PRKD1: variants seen among roughly 807,000 people sequenced by gnomAD.
PRKD1 encodes the protein protein kinase D1.
In PRKD1, 63 loss-of-function variants were observed where a neutral mutation model predicts 95.9. The ratio of observed to expected loss-of-function variants is 0.66; its 90% CI spans 0.54 to 0.81. The LOEUF is 0.81. Ranked by LOEUF, PRKD1 falls within the 30% of genes least tolerant of loss-of-function variation. The pLI, the probability that PRKD1 is intolerant of heterozygous loss-of-function variation, is 0.00. For synonymous variants in PRKD1, 425 were observed against 423.1 expected (o/e 1.00, Z -0.05); for missense variants, 1,048 against 1,165.3 (o/e 0.90, Z 1.47).
intron 2 of PRKD1, among the ~76,000 whole-genome samples, chr14:29,711,425 G>A (rs1015325757): frequency 6.6e-5 from 10 of 152,180 alleles, no homozygotes; most frequent in African/African-American, 2.2e-4. Context: ...AATATACAAT[G>A]CAAATACAGA....
chr14:29,655,834 G>T (rs1881800624), intron 4 of PRKD1, among the ~76,000 whole-genome samples: 1 of 151,608 alleles, frequency 6.6e-6, no homozygotes, highest in Non-Finnish European at 1.5e-5. Context: ...TAACACAAAA[G>T]GATGGAAAGA....
At chr14:29,808,459 G>C (rs1890340464) in intron 1 of PRKD1, among the ~76,000 whole-genome samples, 1 of 119,516 alleles carries the variant, frequency 8.4e-6, no homozygotes, top group South Asian at 2.9e-4. Context: ...GAGTACAATA[G>C]TGTTGTCTCA....
chr14:29,599,604 T>C (rs1893439187), intron 14 of PRKD1, 52 bp downstream of exon 14: 18 of 1,523,454 alleles, frequency 1.2e-5, no homozygotes, highest in Non-Finnish European at 1.4e-5. Flanking sequence ...TAAACAGTGA[T>C]AACATTTGAT....
At chr14:29,862,242 C>T (rs1265301336) in intron 1 of PRKD1, among the ~76,000 whole-genome samples, 1 of 152,116 alleles carries the variant, frequency 6.6e-6, no homozygotes, top group Non-Finnish European at 1.5e-5. Flanking sequence ...TAGCAAATAC[C>T]ACATTTTCTT....
chr14:29,831,911 G>A (rs1891427945), intron 1 of PRKD1, among the ~76,000 whole-genome samples: 1 of 151,908 alleles, frequency 6.6e-6, no homozygotes. Context: ...TTATGGTTGG[G>A]GGACCTGTCC....
intron 4 of PRKD1, among the ~76,000 whole-genome samples, chr14:29,645,815 C>T (rs1477809578): frequency 2.0e-5 from 3 of 152,040 alleles, no homozygotes; most frequent in African/African-American, 7.2e-5. Context: ...TCCCATGCCC[C>T]CTTCTCTGAG....
At chr14:29,745,652 T>G (rs1397100235) in intron 1 of PRKD1, among the ~76,000 whole-genome samples, 3 of 151,980 alleles carry the variant, frequency 2.0e-5, no homozygotes, top group Non-Finnish European at 2.9e-5. Context: ...TTATTATTAT[T>G]ATTGTAGAGA....
At position 29,826,682 on chromosome 14, in the gene PRKD1, TATAC is replaced by T. The variant is rs1197985284; in HGVS notation, c.264+100563_264+100566del. ...GTGTGTGTATATATGTGTATATATATATACACACATATATATACATATATACACA... is the reference window on the plus strand; with the variant it reads ...GTGTGTGTATATATGTGTATATATATACACATATATATACATATATACACA... On this transcript the variant is annotated intron_variant, in intron 1 of 17. Coordinates refer to ENST00000331968, the MANE Select transcript of PRKD1 (RefSeq NM_002742.3). Among the ~76,000 whole-genome samples the T allele has an allele frequency of 3.1e-3, 150 of 48,664 alleles. 6 individuals are homozygous for T. Among genetic ancestry groups the T allele is most frequent in the African/African-American group, 9.2e-3 (146 of 15,912 alleles). The allele number at this position is 48,664 out of a possible 152,430, so 31.9% of individuals were successfully genotyped here.
At chr14:29,854,547 A>G (rs1892426067) in intron 1 of PRKD1, among the ~76,000 whole-genome samples, 1 of 152,244 alleles carries the variant, frequency 6.6e-6, no homozygotes, top group Admixed American at 6.5e-5. Context: ...AGGGAAGCAG[A>G]GCATAAAAAT....
At chr14:29,847,872 C>T (rs900740904) in intron 1 of PRKD1, among the ~76,000 whole-genome samples, 4 of 152,050 alleles carry the variant, frequency 2.6e-5, no homozygotes, top group Non-Finnish European at 4.4e-5. Context: ...TTCTCTCTCT[C>T]TCTCTCCCCC....
intron 1 of PRKD1, among the ~76,000 whole-genome samples, chr14:29,873,484 T>C (rs974171874): frequency 5.9e-3 from 7 of 1,196 alleles, no homozygotes; most frequent in African/African-American, 0.032. Flanking sequence ...AGGTTACTGA[T>C]ACAAAAAAAA....
chr14:29,925,935 C>A (rs1469351795), intron 1 of PRKD1, among the ~76,000 whole-genome samples: 1 of 152,156 alleles, frequency 6.6e-6, no homozygotes, highest in Non-Finnish European at 1.5e-5. Context: ...TTCCACAATA[C>A]TGATGTGGAA....
intron 1 of PRKD1, among the ~76,000 whole-genome samples, chr14:29,768,582 CAT>C (rs1186779487): frequency 6.6e-6 from 1 of 152,110 alleles, no homozygotes; most frequent in Non-Finnish European, 1.5e-5. Flanking sequence ...AGGATCCCCA[CAT>C]GTGTATCTGG....
At chr14:29,703,565 A>G (rs190084901) in intron 2 of PRKD1, among the ~76,000 whole-genome samples, 1 of 152,320 alleles carries the variant, frequency 6.6e-6, no homozygotes, top group African/African-American at 2.4e-5. Flanking sequence ...GATGATTACT[A>G]TCTCACAATC....
chr14:29,852,625 T>C (rs1220350159), intron 1 of PRKD1, among the ~76,000 whole-genome samples: 1 of 152,122 alleles, frequency 6.6e-6, no homozygotes, highest in Non-Finnish European at 1.5e-5. Flanking sequence ...AGATGGAATT[T>C]TGTGACATCA....
chr14:29,645,652 G>A (rs999701242), intron 4 of PRKD1, among the ~76,000 whole-genome samples: 1 of 152,098 alleles, frequency 6.6e-6, no homozygotes, highest in Non-Finnish European at 1.5e-5. Context: ...GATGCTTCAG[G>A]ACATATAAAT....
At chr14:29,585,186 C>A (rs1025248755) in intron 16 of PRKD1, among the ~76,000 whole-genome samples, 1 of 152,060 alleles carries the variant, frequency 6.6e-6, no homozygotes, top group East Asian at 1.9e-4. Context: ...GTTTTGCAAC[C>A]CTTCACATTC....
chr14:29,899,234 T>G (rs927723110), intron 1 of PRKD1, among the ~76,000 whole-genome samples: 2 of 152,150 alleles, frequency 1.3e-5, no homozygotes, highest in Admixed American at 6.5e-5. Context: ...CATAACAAAT[T>G]TCATGAAATC....
chr14:29,780,062 T>C (rs1206120667), intron 1 of PRKD1, among the ~76,000 whole-genome samples: 1 of 152,154 alleles, frequency 6.6e-6, no homozygotes, highest in Non-Finnish European at 1.5e-5. Flanking sequence ...TAATAAATGG[T>C]GTTGAGAAAA....
Sources: allele counts gnomAD v4.1 joint callset (sites outside exome capture counted in the v4.1 genomes callset), GRCh38; gene constraint gnomAD v4.1.1; transcripts MANE v1.5; gene names NCBI Gene and HGNC (gene_info 2026-07-23, HGNC 2026-07-21).